The following ZRANB3 variants were observed in gnomAD, a reference collection of about 807,000 sequenced individuals.
ZRANB3 encodes the protein zinc finger RANBP2-type containing 3.
ZRANB3 carries 125 observed loss-of-function variants against 133.8 expected under a neutral mutation model. That is an observed-to-expected ratio of 0.93 (90% CI 0.81 to 1.08). ZRANB3 has a LOEUF of 1.08. Among genes scored for constraint, ZRANB3 ranks in the 50% least tolerant of loss-of-function variants. The pLI is 0.00. For synonymous variants in ZRANB3, 387 were observed against 432.7 expected (o/e 0.89, Z 1.31); for missense variants, 1,229 against 1,275.5 (o/e 0.96, Z 0.56).
intron 6 of ZRANB3, among the ~76,000 whole-genome samples, chr2:135,328,176 A>G (rs1683936377): frequency 6.6e-6 from 1 of 151,918 alleles, no homozygotes; most frequent in South Asian, 2.1e-4. Context: ...TCAACTCGTC[A>G]TTTACATTAG....
At chr2:135,501,053 A>C (rs1282100754) in intron 2 of ZRANB3, among the ~76,000 whole-genome samples, 1 of 152,162 alleles carries the variant, frequency 6.6e-6, no homozygotes, top group Non-Finnish European at 1.5e-5. Flanking sequence ...AACGCACAAT[A>C]ATCCTAAACA....
At chr2:135,353,779 T>C (rs1370269745) in intron 3 of ZRANB3, among the ~76,000 whole-genome samples, 151 bp from the exon 4 acceptor site, 4 of 152,106 alleles carry the variant, frequency 2.6e-5, no homozygotes. Flanking sequence ...TGCAGGTGGA[T>C]CGCTTGAGCC....
Position 135,466,680 on chromosome 2 carries a change from A to ATT in ZRANB3, c.161+37647_161+37648dup, listed in dbSNP as rs34605710. ...CTTTAGAATTCTATGATTTGTGTTG[A>ATT]TTTTTTTTTTTTTTGAGACAGGGTT... On this transcript the variant is annotated intron_variant, in intron 2 of 20. Transcript: ENST00000264159. 3.4e-4 allele frequency among the ~76,000 whole-genome samples: 48 copies of ATT among 142,852 alleles called. No homozygotes were observed. The East Asian group carries it at 4.5e-3, about 13-fold the overall frequency. The allele number at this position is 142,852 out of a possible 152,430, so 93.7% of individuals were successfully genotyped here. A position where few individuals can be genotyped will look rare whatever the true frequency, so the allele number is the denominator to read the frequency against.
intron 2 of ZRANB3, among the ~76,000 whole-genome samples, chr2:135,494,317 A>AG (rs1692566290): frequency 6.6e-6 from 1 of 151,508 alleles, no homozygotes; most frequent in African/African-American, 2.4e-5. Flanking sequence ...CAAAAAAAAA[A>AG]AAAAAAGAAA....
At chr2:135,316,751 A>C (rs1481397818) in intron 6 of ZRANB3, among the ~76,000 whole-genome samples, 1 of 152,060 alleles carries the variant, frequency 6.6e-6, no homozygotes, top group Non-Finnish European at 1.5e-5. Context: ...GCAGATCACG[A>C]GGTGAAGAGA....
At chr2:135,421,483 T>C (rs554251227) in intron 2 of ZRANB3, among the ~76,000 whole-genome samples, 1 of 152,268 alleles carries the variant, frequency 6.6e-6, no homozygotes, top group South Asian at 2.1e-4. Flanking sequence ...AAGTAAAAAG[T>C]ATTATTAGCC....
intron 5 of ZRANB3, among the ~76,000 whole-genome samples, 181 bp from the exon 6 acceptor site, chr2:135,345,816 A>T (rs1684893906): frequency 6.6e-6 from 1 of 151,628 alleles, no homozygotes; most frequent in Non-Finnish European, 1.5e-5. Flanking sequence ...ATATACATTT[A>T]TACATCTTTC....
chr2:135,474,038 A>G (rs1479564046), intron 2 of ZRANB3, among the ~76,000 whole-genome samples: 1 of 152,010 alleles, frequency 6.6e-6, no homozygotes, highest in Admixed American at 6.6e-5. Flanking sequence ...CAAAAATACG[A>G]AAAATAGCAG....
chr2:135,335,982 G>A (rs1274892862), intron 6 of ZRANB3, among the ~76,000 whole-genome samples: 1 of 152,166 alleles, frequency 6.6e-6, no homozygotes, highest in Non-Finnish European at 1.5e-5. Flanking sequence ...GGGGAACTGG[G>A]TGATCTCCAA....
intron 20 of ZRANB3, 139 bp downstream of exon 20, chr2:135,202,693 T>C (rs1693672811): frequency 3.8e-6 from 4 of 1,042,046 alleles, no homozygotes; most frequent in Middle Eastern, 3.0e-4. Flanking sequence ...AGGCAAGTGT[T>C]GGGTGATGAA....
intron 2 of ZRANB3, among the ~76,000 whole-genome samples, chr2:135,402,654 T>G (rs1019225193): frequency 6.6e-6 from 1 of 151,948 alleles, no homozygotes; most frequent in African/African-American, 2.4e-5. Flanking sequence ...TGGTGCGATC[T>G]TAGCTCACTG....
In ZRANB3 at chr2:135,260,528, G is replaced by T. The variant is rs565552202; in HGVS notation, c.1539+5006C>A. Among the ~76,000 whole-genome samples the T allele has an allele frequency of 2.5e-4, 37 of 150,570 alleles. No homozygotes were observed. The East Asian group carries it at 7.2e-3, about 30-fold the overall frequency. ...GAATTGTGACTCATACATTTGTGTG[G>T]ATTAGTTTCATTTAAGGTATTATTC... On this transcript the variant is annotated intron_variant, in intron 12 of 20. Coordinates refer to ENST00000264159, the MANE Select transcript of ZRANB3 (RefSeq NM_032143.4).
At chr2:135,480,828 T>A (rs1007003938) in intron 2 of ZRANB3, among the ~76,000 whole-genome samples, 1 of 130,666 alleles carries the variant, frequency 7.7e-6, no homozygotes, top group East Asian at 2.3e-4. Flanking sequence ...TGTGATCTCA[T>A]TGTTCAATTC....
At chr2:135,388,596 C>T (rs1209735962) in intron 3 of ZRANB3, among the ~76,000 whole-genome samples, 1 of 152,078 alleles carries the variant, frequency 6.6e-6, no homozygotes, top group Non-Finnish European at 1.5e-5. Flanking sequence ...CATGCATATA[C>T]ATATATGACA....
At chr2:135,465,123 T>G (rs1045230831) in intron 2 of ZRANB3, among the ~76,000 whole-genome samples, 5 of 152,230 alleles carry the variant, frequency 3.3e-5, no homozygotes, top group Admixed American at 6.5e-5. Context: ...TTGTAAACAA[T>G]TCCTGCATGT....
intron 6 of ZRANB3, among the ~76,000 whole-genome samples, chr2:135,344,178 C>T (rs1684818783): frequency 6.6e-6 from 1 of 152,068 alleles, no homozygotes; most frequent in Non-Finnish European, 1.5e-5. Context: ...AATAATTTGC[C>T]ATTTTTTTTG....
Position 135,275,719 on chromosome 2 carries a change from G to A in ZRANB3, c.1003C>T (p.Gln335Ter). ...ACCAGAAATTTAAGCGAATCATTCT[G>A]AAGCATCATCTTAATATAATCCTTT... ...AVKDYIKMML[Q>*]NDSLKFLVFA... The change falls in exon 9 of 21, where the codon CAG becomes TAG. Residue 335 changes from glutamine to a stop codon, truncating the protein, a stop_gained. Coordinates refer to ENST00000264159, the MANE Select transcript of ZRANB3 (RefSeq NM_032143.4). LOFTEE classifies it high-confidence loss of function. 6.2e-7 allele frequency: 1 copy of A among 1,602,380 alleles called. No individual in the cohort carries two copies. Among genetic ancestry groups the A allele is most frequent in the South Asian group, 1.1e-5 (1 of 88,802 alleles).
intron 17 of ZRANB3, among the ~76,000 whole-genome samples, chr2:135,215,625 C>T (rs922856266): frequency 3.9e-5 from 6 of 152,066 alleles, no homozygotes; most frequent in Admixed American, 3.9e-4. Context: ...TAGTCTCAGC[C>T]CATATCTCAT....
At chr2:135,478,590 T>C (rs1412267006) in intron 2 of ZRANB3, among the ~76,000 whole-genome samples, 1 of 152,220 alleles carries the variant, frequency 6.6e-6, no homozygotes, top group Non-Finnish European at 1.5e-5. Context: ...AATTAATATA[T>C]GTCTTTTATG....
Sources: gnomAD v4.1 joint callset for allele counts (sites outside exome capture counted in the v4.1 genomes callset) on GRCh38, gnomAD v4.1.1 for gene constraint, MANE v1.5 for transcripts, NCBI Gene and HGNC (gene_info 2026-07-23, HGNC 2026-07-21) for gene names.